PRKCE: variants seen among roughly 807,000 people sequenced by gnomAD.
The protein encoded by PRKCE is protein kinase C epsilon, also known as protein kinase C epsilon type.
A neutral mutation model predicts 85.4 loss-of-function variants in PRKCE; 16 were observed. That is an observed-to-expected ratio of 0.19 (90% confidence interval 0.13 to 0.28). PRKCE has a LOEUF of 0.28. PRKCE is among the 10% of genes least tolerant of loss of function. The pLI, the probability that PRKCE is intolerant of heterozygous loss-of-function variation, is 1.00. For synonymous variants in PRKCE, 388 were observed against 371.5 expected (o/e 1.04, Z -0.51); for missense variants, 573 against 975.2 (o/e 0.59, Z 5.49).
intron 2 of PRKCE, among the ~76,000 whole-genome samples, chr2:45,926,185 C>G (rs1418426757): frequency 6.6e-6 from 1 of 152,144 alleles, no homozygotes; most frequent in Non-Finnish European, 1.5e-5. Flanking sequence ...TGCTGCTCAG[C>G]GGCTGACTGC....
intron 1 of PRKCE, among the ~76,000 whole-genome samples, chr2:45,833,903 C>T (rs1407175766): frequency 1.3e-5 from 2 of 152,214 alleles, no homozygotes; most frequent in African/African-American, 2.4e-5. Flanking sequence ...TGCCATTTCT[C>T]TCAAAGTAGA....
chr2:45,885,167 C>G (rs543561869), intron 2 of PRKCE, among the ~76,000 whole-genome samples: 2 of 151,904 alleles, frequency 1.3e-5, no homozygotes, highest in Middle Eastern at 3.4e-3. Context: ...TGGCTCAGAG[C>G]TTTCAGAATT....
chr2:45,829,434 G>C (rs1348288731), intron 1 of PRKCE, among the ~76,000 whole-genome samples: 1 of 152,154 alleles, frequency 6.6e-6, no homozygotes, highest in East Asian at 1.9e-4. Flanking sequence ...GCCTGCTTAA[G>C]ACCCCATATA....
At chr2:46,105,625 A>G (rs1177653660) in intron 11 of PRKCE, among the ~76,000 whole-genome samples, 1 of 152,152 alleles carries the variant, frequency 6.6e-6, no homozygotes, top group Non-Finnish European at 1.5e-5. Context: ...CTACAGTATT[A>G]TACTAAACAC....
intron 14 of PRKCE, among the ~76,000 whole-genome samples, chr2:46,179,235 G>A (rs767090451): frequency 1.2e-4 from 19 of 152,284 alleles, no homozygotes; most frequent in Middle Eastern, 3.4e-3. Flanking sequence ...GAAGACAGAA[G>A]CAGACACTGC....
intron 1 of PRKCE, among the ~76,000 whole-genome samples, chr2:45,673,971 C>G (rs1676299570): frequency 6.6e-6 from 1 of 151,890 alleles, no homozygotes. Flanking sequence ...CAATTGAACT[C>G]TTGCTCCTTC....
intron 1 of PRKCE, among the ~76,000 whole-genome samples, chr2:45,815,374 T>A (rs932874371): frequency 1.3e-5 from 2 of 152,252 alleles, no homozygotes; most frequent in African/African-American, 4.8e-5. Flanking sequence ...TCCTTTGTTC[T>A]CCTCAGAAGC....
intron 2 of PRKCE, 93 bp from the exon 3 acceptor site, chr2:45,976,336 C>A (rs1344117874): frequency 2.1e-6 from 3 of 1,440,944 alleles, no homozygotes; most frequent in African/African-American, 2.8e-5. Context: ...CAGCTCCACT[C>A]CCCCAGGGAT....
intron 1 of PRKCE, among the ~76,000 whole-genome samples, chr2:45,663,499 A>T (rs1038778376): frequency 6.6e-6 from 1 of 152,162 alleles, no homozygotes; most frequent in Non-Finnish European, 1.5e-5. Flanking sequence ...GAAGAAGAAT[A>T]TAGAAAATGT....
At chr2:45,889,975 TGAAA>T (rs1056742927) in intron 2 of PRKCE, among the ~76,000 whole-genome samples, 1 of 152,206 alleles carries the variant, frequency 6.6e-6, no homozygotes, top group Non-Finnish European at 1.5e-5. Context: ...CTTTTTTCCC[TGAAA>T]GCACTCTAGT....
At chr2:45,953,760 A>C (rs1166997287) in intron 2 of PRKCE, among the ~76,000 whole-genome samples, 1 of 152,194 alleles carries the variant, frequency 6.6e-6, no homozygotes, top group Non-Finnish European at 1.5e-5. Flanking sequence ...ATTGTGATTC[A>C]GTTGTCTGTG....
chr2:45,681,201 A>T (rs1050433188), intron 1 of PRKCE, among the ~76,000 whole-genome samples: 34 of 144,914 alleles, frequency 2.3e-4, no homozygotes, highest in African/African-American at 8.4e-4. Context: ...AGGCAGGAGA[A>T]GCGCTTGAAC....
chr2:45,741,359 C>T (rs1573149858), intron 1 of PRKCE, among the ~76,000 whole-genome samples: 2 of 152,344 alleles, frequency 1.3e-5, no homozygotes, highest in Middle Eastern at 3.4e-3. Flanking sequence ...AGATCTGACA[C>T]TTTCTGGCCT....
chr2:45,782,430 CT>C (rs1401163989), intron 1 of PRKCE, among the ~76,000 whole-genome samples: 1 of 152,106 alleles, frequency 6.6e-6, no homozygotes, highest in Admixed American at 6.6e-5. Context: ...ATTTCCTTAT[CT>C]TTAAAATAGG....
chr2:45,933,088 C>T (rs1699160556), intron 2 of PRKCE, among the ~76,000 whole-genome samples: 1 of 152,094 alleles, frequency 6.6e-6, no homozygotes, highest in South Asian at 2.1e-4. Flanking sequence ...TCTTGAGTGC[C>T]TTTTTATATG....
chr2:45,821,524 G>T (rs1052279058), intron 1 of PRKCE, among the ~76,000 whole-genome samples: 1 of 152,132 alleles, frequency 6.6e-6, no homozygotes, highest in Non-Finnish European at 1.5e-5. Context: ...AATGCCCAAG[G>T]GGTGTCTCAG....
chr2:45,982,942 C>G (rs1703008551), intron 5 of PRKCE, among the ~76,000 whole-genome samples: 1 of 152,220 alleles, frequency 6.6e-6, no homozygotes, highest in Admixed American at 6.5e-5. Flanking sequence ...TATAGGTCCA[C>G]CATGCCTTCA....
intron 10 of PRKCE, among the ~76,000 whole-genome samples, chr2:46,033,119 A>C (rs1707641778): frequency 6.6e-6 from 1 of 152,246 alleles, no homozygotes; most frequent in South Asian, 2.1e-4. Context: ...GTCAACATGT[A>C]GTATTTACAA....
At chr2:46,061,974 T>C (rs573651936) in intron 10 of PRKCE, among the ~76,000 whole-genome samples, 136 of 151,660 alleles carry the variant, frequency 9.0e-4, no homozygotes, top group African/African-American at 3.2e-3. Context: ...GAGATCCTAG[T>C]GTGTCAGCCT....
Sources: gnomAD v4.1 joint callset for allele counts (sites outside exome capture counted in the v4.1 genomes callset) on GRCh38, gnomAD v4.1.1 for gene constraint, MANE v1.5 for transcripts, NCBI Gene and HGNC (gene_info 2026-07-23, HGNC 2026-07-21) for gene names.